Variants in HERC1 observed in about 807,000 individuals in gnomAD.
HERC1 encodes HECT and RLD domain containing E3 ubiquitin protein ligase family member 1, also known as probable E3 ubiquitin-protein ligase HERC1.
A neutral mutation model predicts 554.3 loss-of-function variants in HERC1; 160 were observed. The ratio of observed to expected loss-of-function variants is 0.29; its 90% CI spans 0.25 to 0.33. The LOEUF (loss-of-function observed/expected upper bound fraction) is 0.33. HERC1 is among the 10% of genes least tolerant of loss of function. HERC1 has a pLI of 1.00. For synonymous variants in HERC1, 2,175 were observed against 2,131.7 expected, an observed-to-expected ratio of 1.02 and a Z score of -0.56; for missense variants, 4,919 against 5,918.5, an observed-to-expected ratio of 0.83 and a Z score of 5.54.
chr15:63,832,696 T>C (rs561364550), intron 1 of HERC1, among the ~76,000 whole-genome samples: 2 of 152,248 alleles, frequency 1.3e-5, no homozygotes, highest in Admixed American at 6.5e-5. Context: ...GTGAAAAAGA[T>C]AGTGATGGCA....
intron 31 of HERC1, among the ~76,000 whole-genome samples, chr15:63,691,808 A>C (rs1025824951): frequency 7.9e-5 from 12 of 152,242 alleles, no homozygotes; most frequent in African/African-American, 2.2e-4. Context: ...TGATTGTTGT[A>C]TAATACTGTG....
intron 75 of HERC1, among the ~76,000 whole-genome samples, chr15:63,616,155 T>C (rs1209203860): frequency 6.6e-6 from 1 of 152,146 alleles, no homozygotes; most frequent in Admixed American, 6.6e-5. Context: ...CCTGTTGAAC[T>C]CTCGTGACCT....
intron 66 of HERC1, among the ~76,000 whole-genome samples, chr15:63,634,311 C>T (rs1246900421): frequency 6.6e-6 from 1 of 152,108 alleles, no homozygotes; most frequent in Non-Finnish European, 1.5e-5. Flanking sequence ...AAAATATTTC[C>T]TTGTTAAAGG....
intron 18 of HERC1, among the ~76,000 whole-genome samples, chr15:63,724,197 T>C (rs1186936196): frequency 6.6e-6 from 1 of 152,050 alleles, no homozygotes; most frequent in African/African-American, 2.4e-5. Flanking sequence ...ATGAAGAGGG[T>C]AGAGATAGAG....
chr15:63,738,140 A>C (rs909193569), intron 12 of HERC1, among the ~76,000 whole-genome samples: 2 of 152,196 alleles, frequency 1.3e-5, no homozygotes, highest in African/African-American at 4.8e-5. Context: ...CCAAGGACAC[A>C]TTATTTCTGT....
intron 1 of HERC1, among the ~76,000 whole-genome samples, chr15:63,803,002 G>A (rs956482044): frequency 2.0e-5 from 3 of 152,146 alleles, no homozygotes; most frequent in Non-Finnish European, 4.4e-5. Flanking sequence ...TTGAGCCCAG[G>A]AGTTTGAGAC....
At chr15:63,646,149 T>C (rs2069327539) in intron 55 of HERC1, among the ~76,000 whole-genome samples, 1 of 152,242 alleles carries the variant, frequency 6.6e-6, no homozygotes. Context: ...ATTTTATTTT[T>C]ATTTTTCAAT....
At position 63,692,326 on chromosome 15, in the gene HERC1, G is replaced by A. The variant is rs924558348; in HGVS notation, c.5830+85C>T. On this transcript the variant is annotated intron_variant, in intron 31 of 77. Coordinates refer to ENST00000443617, the MANE Select transcript of HERC1 (RefSeq NM_003922.4). The surrounding 1 kb of genome is among the most constrained non-coding windows in gnomAD (Gnocchi z 4.7). ...AAGCCTTCAAATCAAGGTTACACAT[G>A]GAGTGTTGCTAAAGTCTGGCATTAT... 9.9e-7 allele frequency: 1 copy of A among 1,012,356 alleles called. No individual in the cohort carries two copies. Among genetic ancestry groups the A allele is most frequent in the African/African-American group, 1.6e-5 (1 of 61,122 alleles). 62.7% of individuals were successfully genotyped at this position (1,012,356 alleles called of 1,614,324 possible). A position where few individuals can be genotyped will look rare whatever the true frequency, so the allele number is the denominator to read the frequency against.
At chr15:63,829,584 T>TAC (rs1412454149) in intron 1 of HERC1, among the ~76,000 whole-genome samples, 25 of 140,842 alleles carry the variant, frequency 1.8e-4, no homozygotes, top group Admixed American at 1.6e-3. Flanking sequence ...TATATATATA[T>TAC]ATATATATAT....
At chr15:63,832,050 C>A in intron 1 of HERC1, among the ~76,000 whole-genome samples, 1 of 152,140 alleles carries the variant, frequency 6.6e-6, no homozygotes, top group East Asian at 1.9e-4. Context: ...TTAATCCATT[C>A]CAATAACAAC....
chr15:63,656,024 A>G, intron 49 of HERC1, 64 bp downstream of exon 49: 1 of 1,596,304 alleles, frequency 6.3e-7, no homozygotes, highest in Non-Finnish European at 8.6e-7. Flanking sequence ...ATTTCATTTC[A>G]AAAGGCTCAA....
At position 63,764,152 on chromosome 15, in the gene HERC1, T is replaced by C. The variant is rs766300195; in HGVS notation, c.970A>G (p.Arg324Gly). The C allele has an allele frequency of 6.2e-7, 1 of 1,611,358 alleles. No individual in the cohort carries two copies. ...AGGGAGCACAAGCCATCCGATGTTCTGGTTGGTTCTCTCCACTGACTCCGA... is the reference window on the plus strand; with the variant it reads ...AGGGAGCACAAGCCATCCGATGTTCCGGTTGGTTCTCTCCACTGACTCCGA... ...ADRSQWREPT[R>G]TSDGLCSLYE... The change falls in exon 3 of 78, where the codon AGA becomes GGA. Residue 324 changes from arginine to glycine, a missense_variant. Arg to Gly is a moderately radical substitution (Grantham distance 125, BLOSUM62 -2). Around this residue, in one of 11 missense-constraint regions of HERC1, gnomAD observed 744 missense variants for 1,090.0 expected, o/e 0.68. Coordinates refer to ENST00000443617, the MANE Select transcript of HERC1 (RefSeq NM_003922.4).
At position 63,638,329 on chromosome 15, in the gene HERC1, C is replaced by G. The variant is rs1004589906; in HGVS notation, c.12093+82G>C. The G allele has an allele frequency of 4.4e-5, 61 of 1,400,776 alleles. No individual in the cohort carries two copies. The African/African-American group carries it at 7.9e-4, about 18-fold the overall frequency. 86.8% of individuals were successfully genotyped at this position (1,400,776 alleles called of 1,614,324 possible). ...CATAATAGATTATGAAATGGACAAG[C>G]TTTATCCCACAATAAGACAAGCAAA... is the stretch of plus-strand genomic sequence containing the variant. On this transcript the variant is annotated intron_variant, in intron 63 of 77. Coordinates refer to ENST00000443617, the MANE Select transcript of HERC1 (RefSeq NM_003922.4).
chr15:63,616,353 A>T, intron 75 of HERC1, 77 bp downstream of exon 75: 1 of 1,459,348 alleles, frequency 6.9e-7, no homozygotes, highest in South Asian at 1.3e-5. Flanking sequence ...ACTGTATCTC[A>T]ATTTTACACA....
At position 63,756,311 on chromosome 15, in the gene HERC1, T is replaced by C; in HGVS notation, c.1533+126A>G. 2 of 703,524 alleles carry C rather than the reference T, an allele frequency of 2.8e-6. No homozygotes were observed. Among genetic ancestry groups the C allele is most frequent in the South Asian group, 3.7e-5 (2 of 54,380 alleles). The allele number at this position is 703,524 out of a possible 1,614,324, so 43.6% of individuals were successfully genotyped here. ...TGTTCTGTAAACTGTAAAGCAGAGA[T>C]ACAAAAGATTAAGCCAAAGGGTTGA... On this transcript the variant is annotated intron_variant, in intron 5 of 77. Coordinates refer to ENST00000443617, the MANE Select transcript of HERC1 (RefSeq NM_003922.4). The surrounding 1 kb of genome is among the most constrained non-coding windows in gnomAD (Gnocchi z 5.0).
chr15:63,718,550 A>G lies in HERC1; in HGVS notation c.3978+24T>C. 1.3e-6 allele frequency: 2 copies of G among 1,529,592 alleles called. No homozygotes were observed. The highest frequency in any genetic ancestry group is 1.8e-6 in the Non-Finnish European group (2 of 1,132,396). The allele number at this position is 1,529,592 out of a possible 1,614,324, so 94.8% of individuals were successfully genotyped here. A position where few individuals can be genotyped will look rare whatever the true frequency, so the allele number is the denominator to read the frequency against. ...TCTCACAGCTTGCAGAAAAACATAGAAATTAATTGATTTCAAACTTTACCC... is the reference window on the plus strand; with the variant it reads ...TCTCACAGCTTGCAGAAAAACATAGGAATTAATTGATTTCAAACTTTACCC... On this transcript the variant is annotated intron_variant, in intron 21 of 77. Transcript: ENST00000443617. This position sits in a 1 kb window ranked among gnomAD's most constrained non-coding sequence, Gnocchi z 4.2.
At chr15:63,709,207 G>C (rs547127456) in intron 24 of HERC1, among the ~76,000 whole-genome samples, 1 of 151,620 alleles carries the variant, frequency 6.6e-6, no homozygotes, top group African/African-American at 2.4e-5. Context: ...CATGTTCCCA[G>C]GCTGGTCTTG....
chr15:63,706,992 C>G (rs1683179218), intron 24 of HERC1, among the ~76,000 whole-genome samples, 161 bp from the exon 25 acceptor site: 1 of 152,166 alleles, frequency 6.6e-6, no homozygotes, highest in Non-Finnish European at 1.5e-5. Context: ...TAAAAACCCA[C>G]TGAACATAGC....
chr15:63,735,096 C>T (rs1264472371), intron 12 of HERC1, among the ~76,000 whole-genome samples: 1 of 152,146 alleles, frequency 6.6e-6, no homozygotes, highest in Non-Finnish European at 1.5e-5. Flanking sequence ...AGCATTCACC[C>T]TGGTAAGGCT....
Sources: gnomAD v4.1 joint callset for allele counts (sites outside exome capture counted in the v4.1 genomes callset) on GRCh38, gnomAD v4.1.1 for gene constraint, gnomAD v4.1.1 regional missense constraint, Gnocchi (gnomAD v3.1) non-coding constraint, MANE v1.5 for transcripts, NCBI Gene and HGNC (gene_info 2026-07-23, HGNC 2026-07-21) for gene names.